Variants in PTPRD observed in about 807,000 individuals in gnomAD.
The protein encoded by PTPRD is protein tyrosine phosphatase receptor type D, also known as receptor-type tyrosine-protein phosphatase delta.
Under a neutral mutation model 214.5 loss-of-function variants are expected in PTPRD, and 34 were observed. That is an observed-to-expected ratio of 0.16 (90% CI 0.12 to 0.21). The LOEUF (loss-of-function observed/expected upper bound fraction) is 0.21, where lower values mean the gene tolerates loss of function less well. PTPRD is among the 10% of genes least tolerant of loss of function. PTPRD has a pLI of 1.00. For missense variants in PTPRD, 2,545 were observed against 2,398.7 expected, an observed-to-expected ratio of 1.06 and a Z score of -1.27; for synonymous variants, 1,128 against 845.7, an observed-to-expected ratio of 1.33 and a Z score of -5.79.
chr9:9,757,853 A>G (rs968518627), intron 6 of PTPRD, among the ~76,000 whole-genome samples: 2 of 152,008 alleles, frequency 1.3e-5, no homozygotes, highest in African/African-American at 4.8e-5. Context: ...GACTCTGCTA[A>G]TTTTTACCAG....
intron 11 of PTPRD, among the ~76,000 whole-genome samples, chr9:8,889,499 G>A (rs2154236851): frequency 6.6e-6 from 1 of 152,184 alleles, no homozygotes; most frequent in Admixed American, 6.5e-5. Flanking sequence ...TGGGGAACAG[G>A]TGGTTTTTGG....
At chr9:10,229,416 G>A (rs1313364622) in intron 3 of PTPRD, among the ~76,000 whole-genome samples, 3 of 151,848 alleles carry the variant, frequency 2.0e-5, no homozygotes, top group African/African-American at 4.8e-5. Context: ...TGTTTATTGC[G>A]GCACTATTCA....
At chr9:8,514,533 T>TC (rs962901089) in intron 21 of PTPRD, among the ~76,000 whole-genome samples, 1 of 151,892 alleles carries the variant, frequency 6.6e-6, no homozygotes, top group African/African-American at 2.4e-5. Context: ...TAGTTTTTTT[T>TC]TTTTTTTCCA....
At chr9:10,408,287 G>A (rs1418277876) in intron 2 of PTPRD, among the ~76,000 whole-genome samples, 2 of 151,442 alleles carry the variant, frequency 1.3e-5, no homozygotes, top group Non-Finnish European at 3.0e-5. Flanking sequence ...AATTCTGCTT[G>A]TCTAGGTCTC....
At chr9:9,873,924 G>A (rs922438740) in intron 5 of PTPRD, among the ~76,000 whole-genome samples, 9 of 152,014 alleles carry the variant, frequency 5.9e-5, no homozygotes, top group East Asian at 1.9e-4. Flanking sequence ...AATAGCTGAC[G>A]TGTATTGAAG....
At chr9:8,618,192 G>C (rs1463749186) in intron 14 of PTPRD, among the ~76,000 whole-genome samples, 1 of 152,038 alleles carries the variant, frequency 6.6e-6, no homozygotes, top group Admixed American at 6.6e-5. Context: ...GTTTAAGACA[G>C]ACGCAAAAAG....
chr9:8,534,242 A>T (rs189653711), intron 14 of PTPRD, among the ~76,000 whole-genome samples: 210 of 152,070 alleles, frequency 1.4e-3, no homozygotes, highest in African/African-American at 3.8e-3. Flanking sequence ...AAGCATGACC[A>T]CATGACAAAA....
chr9:10,496,038 G>C (rs910349443), intron 2 of PTPRD, among the ~76,000 whole-genome samples: 7 of 151,470 alleles, frequency 4.6e-5, no homozygotes, highest in African/African-American at 1.7e-4. Context: ...TTAAATTATT[G>C]TATTATTAAT....
intron 11 of PTPRD, among the ~76,000 whole-genome samples, chr9:8,948,519 T>TTATATATATATTTATATATATTTA (rs1567183954): frequency 6.2e-4 from 8 of 12,850 alleles, no homozygotes; most frequent in South Asian, 0.013. Context: ...ATATATATAT[T>TTATATATATATTTATATATATTTA]TATATATATA....
intron 14 of PTPRD, among the ~76,000 whole-genome samples, chr9:8,614,149 G>C (rs2095537185): frequency 6.6e-6 from 1 of 152,068 alleles, no homozygotes; most frequent in Non-Finnish European, 1.5e-5. Context: ...ATGCTTCCAG[G>C]AGAAGCAATG....
chr9:9,515,921 T>G (rs1009439444), intron 8 of PTPRD, among the ~76,000 whole-genome samples: 1 of 152,086 alleles, frequency 6.6e-6, no homozygotes, highest in African/African-American at 2.4e-5. Context: ...CCCAGCTAAC[T>G]GACATGAGAA....
At chr9:10,351,833 A>G (rs1017825629) in intron 2 of PTPRD, among the ~76,000 whole-genome samples, 15 of 152,032 alleles carry the variant, frequency 9.9e-5, no homozygotes, top group Non-Finnish European at 1.9e-4. Flanking sequence ...AGACACATTC[A>G]TTTCCCAAAT....
At chr9:9,001,453 C>T (rs1042136455) in intron 11 of PTPRD, among the ~76,000 whole-genome samples, 6 of 152,004 alleles carry the variant, frequency 3.9e-5, no homozygotes, top group Admixed American at 3.9e-4. Context: ...CTCAGTTTTG[C>T]ACAATCAGGA....
chr9:8,702,650 G>C (rs559045209), intron 12 of PTPRD, among the ~76,000 whole-genome samples: 17 of 152,326 alleles, frequency 1.1e-4, no homozygotes, highest in Non-Finnish European at 2.1e-4. Flanking sequence ...GTCTTGCTAT[G>C]TCGCCCCAGC....
chr9:9,852,438 G>C (rs540974232), intron 5 of PTPRD, among the ~76,000 whole-genome samples: 121 of 151,666 alleles, frequency 8.0e-4, no homozygotes, highest in African/African-American at 2.9e-3. Flanking sequence ...TAGATATGGA[G>C]ATTAAGAAAA....
At chr9:10,222,552 T>C (rs528040717) in intron 3 of PTPRD, among the ~76,000 whole-genome samples, 9 of 152,208 alleles carry the variant, frequency 5.9e-5, no homozygotes, top group African/African-American at 1.4e-4. Context: ...TCTTACAATG[T>C]AGAATATATT....
intron 10 of PTPRD, among the ~76,000 whole-genome samples, chr9:9,123,312 G>A (rs1261353710): frequency 1.3e-5 from 2 of 152,154 alleles, no homozygotes; most frequent in East Asian, 3.8e-4. Flanking sequence ...TGAAATGCTA[G>A]CACCATTTCC....
chr9:10,052,942 T>A (rs1175714017), intron 3 of PTPRD, among the ~76,000 whole-genome samples: 1 of 152,164 alleles, frequency 6.6e-6, no homozygotes, highest in Admixed American at 6.6e-5. Context: ...ATATTTTTTA[T>A]ATTATATTTC....
At chr9:8,377,380 T>C (rs1033720387) in intron 37 of PTPRD, among the ~76,000 whole-genome samples, 1 of 152,068 alleles carries the variant, frequency 6.6e-6, no homozygotes, top group African/African-American at 2.4e-5. Flanking sequence ...TCATCCAAGA[T>C]GAATAATCTA....
Sources: allele counts gnomAD v4.1 joint callset (sites outside exome capture counted in the v4.1 genomes callset), GRCh38; gene constraint gnomAD v4.1.1; transcripts MANE v1.5; gene names NCBI Gene and HGNC (gene_info 2026-07-23, HGNC 2026-07-21).